Variants in TENT5D observed in about 807,000 individuals in gnomAD.
TENT5D encodes the protein terminal nucleotidyltransferase 5D, also known as cancer/testis antigen 112.
For missense variants in TENT5D, 191 were observed against 287.0 expected (o/e 0.67, Z 2.42); for synonymous variants, 103 against 100.6 (o/e 1.02, Z -0.15).
chrX:80,434,750 G>A (rs1932150947), intron 1 of TENT5D, among the ~76,000 whole-genome samples: 1 of 108,929 alleles, frequency 9.2e-6, no homozygotes, highest in South Asian at 3.9e-4. Context: ...AACAGTTATT[G>A]AGAACTCTCT....
At chrX:80,347,285 C>T (rs991242921) in intron 3 of TENT5D, among the ~76,000 whole-genome samples, 1 of 111,741 alleles carries the variant, frequency 8.9e-6, no homozygotes, top group South Asian at 3.7e-4. Context: ...CTAATTTACA[C>T]TCCCACCAAC....
chrX:80,396,744 A>G (rs1425621400), intron 3 of TENT5D, among the ~76,000 whole-genome samples: 1 of 101,616 alleles, frequency 9.8e-6, no homozygotes. Flanking sequence ...TCTATTCCAC[A>G]AAACCACCAT....
intron 3 of TENT5D, among the ~76,000 whole-genome samples, chrX:80,357,714 A>C (rs1356894558): frequency 9.0e-6 from 1 of 111,354 alleles, no homozygotes; most frequent in Non-Finnish European, 1.9e-5. Context: ...GGAAGAATCA[A>C]TATTGTCAAA....
chrX:80,431,259 A>G (rs982160273), intron 1 of TENT5D, among the ~76,000 whole-genome samples: 1 of 111,096 alleles, frequency 9.0e-6, no homozygotes, highest in East Asian at 2.8e-4. Flanking sequence ...TCTGACTACA[A>G]ATAGGGTATG....
At chrX:80,342,971 A>C (rs1333489694) in intron 3 of TENT5D, among the ~76,000 whole-genome samples, 2 of 108,900 alleles carry the variant, frequency 1.8e-5, no homozygotes, top group Non-Finnish European at 3.8e-5. Flanking sequence ...AAATTACCAT[A>C]TTCATCCTCA....
chrX:80,378,822 A>T (rs989275631), intron 3 of TENT5D, among the ~76,000 whole-genome samples: 4 of 110,594 alleles, frequency 3.6e-5, no homozygotes, highest in African/African-American at 1.3e-4. Context: ...AACAGAGACA[A>T]TTTAACTTCC....
chrX:80,422,427 C>T (rs1163539036), intron 1 of TENT5D, among the ~76,000 whole-genome samples: 8 of 111,864 alleles, frequency 7.2e-5, no homozygotes, highest in Non-Finnish European at 1.3e-4. Flanking sequence ...GAGCTGAGAT[C>T]GCGCCACTAC....
intron 3 of TENT5D, among the ~76,000 whole-genome samples, chrX:80,410,198 C>T (rs1375738100): frequency 1.8e-5 from 2 of 110,222 alleles, no homozygotes; most frequent in Admixed American, 1.9e-4. Context: ...GACTTCATGT[C>T]CAAAACACCA....
intron 3 of TENT5D, among the ~76,000 whole-genome samples, chrX:80,394,753 T>A (rs965159052): frequency 6.3e-5 from 7 of 111,397 alleles, no homozygotes; most frequent in African/African-American, 2.3e-4. Context: ...ACATAATAAT[T>A]GTACATGTTT....
chrX:80,339,733 A>C (rs1030050764), intron 2 of TENT5D, among the ~76,000 whole-genome samples: 1 of 110,722 alleles, frequency 9.0e-6, no homozygotes, highest in Non-Finnish European at 1.9e-5. Flanking sequence ...AAAATGAAAA[A>C]AAAAGTCTTG....
intron 3 of TENT5D, among the ~76,000 whole-genome samples, chrX:80,379,554 T>G (rs1466048757): frequency 1.8e-5 from 2 of 111,362 alleles, no homozygotes; most frequent in Non-Finnish European, 3.8e-5. Context: ...TCTTTGTACC[T>G]CTGGTAGAAT....
chrX:80,417,236 G>A (rs1480579747), upstream of TENT5D, among the ~76,000 whole-genome samples: 1 of 110,955 alleles, frequency 9.0e-6, no homozygotes, highest in Non-Finnish European at 1.9e-5. Context: ...CATACCATTG[G>A]ATCTTGTTTC....
At chrX:80,440,539 C>T (rs1467226000) in intron 2 of TENT5D, among the ~76,000 whole-genome samples, 2 of 110,306 alleles carry the variant, frequency 1.8e-5, no homozygotes, top group South Asian at 3.8e-4. Context: ...GAAAGAATTT[C>T]GTAATTTCAG....
intron 3 of TENT5D, among the ~76,000 whole-genome samples, chrX:80,401,637 AT>A (rs999690701): frequency 2.7e-5 from 3 of 111,039 alleles, no homozygotes; most frequent in African/African-American, 6.5e-5. Context: ...GAATTTTGTC[AT>A]TTTTTCTGCA....
chrX:80,396,913 C>CT (rs1931266365), intron 3 of TENT5D, among the ~76,000 whole-genome samples: 1 of 88,325 alleles, frequency 1.1e-5, no homozygotes, highest in Admixed American at 1.2e-4. Flanking sequence ...CTGACCCCCC[C>CT]ACCTCCCTCC....
intron 3 of TENT5D, among the ~76,000 whole-genome samples, chrX:80,378,230 C>T (rs1007303418): frequency 2.3e-4 from 26 of 111,625 alleles, no homozygotes; most frequent in African/African-American, 8.5e-4. Context: ...TACAGAAACT[C>T]TTTAGTTTAA....
At chrX:80,358,745 C>T (rs1465766155) in intron 3 of TENT5D, among the ~76,000 whole-genome samples, 1 of 111,716 alleles carries the variant, frequency 9.0e-6, no homozygotes, top group African/African-American at 3.3e-5. Context: ...AAATGTAAGA[C>T]GTGAATTCTG....
At chrX:80,375,904 G>A (rs1930716103) in intron 3 of TENT5D, among the ~76,000 whole-genome samples, 1 of 111,651 alleles carries the variant, frequency 9.0e-6, no homozygotes, top group Admixed American at 9.6e-5. Flanking sequence ...TGATTCTGGT[G>A]AAATGGAATA....
At chrX:80,340,709 A>G (rs1486807340) in intron 2 of TENT5D, among the ~76,000 whole-genome samples, 1 of 111,556 alleles carries the variant, frequency 9.0e-6, no homozygotes, top group Non-Finnish European at 1.9e-5. Context: ...TGTGTAGTGT[A>G]ATACTTAGCA....
Sources: allele counts gnomAD v4.1 joint callset (sites outside exome capture counted in the v4.1 genomes callset), GRCh38; gene constraint gnomAD v4.1.1; transcripts MANE v1.5; gene names NCBI Gene and HGNC (gene_info 2026-07-23, HGNC 2026-07-21).